ATP2C2: variants seen among roughly 807,000 people sequenced by gnomAD.
ATP2C2 encodes the protein calcium-transporting ATPase type 2C member 2.
In ATP2C2, 171 loss-of-function variants were observed where a neutral mutation model predicts 110.8. The observed-to-expected ratio is 1.54, with a 90% CI of 1.36 to 1.75. The LOEUF is 1.75. ATP2C2 is among the 40% of genes most tolerant of loss of function. The probability of loss-of-function intolerance (pLI) is 0.00; values close to 1 mark genes in which losing one functional copy is unlikely to be tolerated. For missense variants in ATP2C2, 1,963 were observed against 1,235.0 expected (o/e 1.59, Z -8.84); for synonymous variants, 804 against 508.4 (o/e 1.58, Z -7.82).
chr16:84,448,551 T>A lies in ATP2C2; in HGVS notation c.1522T>A (p.Phe508Ile). 1 of 1,612,540 alleles carries A rather than the reference T, an allele frequency of 6.2e-7. No homozygotes were observed. Among genetic ancestry groups the A allele is most frequent in the East Asian group, 2.2e-5 (1 of 44,782 alleles). Residue 508 changes from phenylalanine (F) to isoleucine (I), a missense_variant, in exon 17 of 27, where the codon TTC becomes ATC. Phe to Ile is a conservative substitution (Grantham distance 21). Transcript: ENST00000262429. ...TTCTAAGGATCAGGAAGACATTTAC[T>A]TCATGAAAGGGGCCTTGGAAGAGGT... Reference protein sequence around the residue: ...LKTEDQEDIYFMKGALEEVIR... With the variant: ...LKTEDQEDIYIMKGALEEVIR...
intron 10 of ATP2C2, 101 bp from the exon 11 acceptor site, chr16:84,425,634 A>C: frequency 3.0e-6 from 4 of 1,313,560 alleles, no homozygotes; most frequent in South Asian, 1.2e-5. Context: ...TCCTCTGTGC[A>C]TGCATTCCTG....
intron 1 of ATP2C2, among the ~76,000 whole-genome samples, chr16:84,370,145 TGG>T (rs1909867293): frequency 1.1e-5 from 1 of 93,288 alleles, no homozygotes; most frequent in African/African-American, 5.5e-5. Context: ...TGCAGGTGCA[TGG>T]ATGATGTAAC....
chr16:84,410,516 C>T, intron 4 of ATP2C2, 52 bp from the exon 5 acceptor site: 1 of 1,590,546 alleles, frequency 6.3e-7, no homozygotes, highest in Non-Finnish European at 8.6e-7. Context: ...ACGCCCTGTC[C>T]CCCCTCCCAC....
At chr16:84,458,642 G>C (rs1315799469) in intron 21 of ATP2C2, among the ~76,000 whole-genome samples, 2 of 152,206 alleles carry the variant, frequency 1.3e-5, no homozygotes, top group Admixed American at 1.3e-4. Flanking sequence ...GGTTTAAAAG[G>C]GCTTCCGCGA....
Position 84,443,983 on chromosome 16 carries a change from A to G in ATP2C2, c.1401+1384A>G, listed in dbSNP as rs150813214. Among the ~76,000 whole-genome samples, 72 of 152,254 alleles carry G rather than the reference A, an allele frequency of 4.7e-4. 2 individuals are homozygous for G. The East Asian group carries it at 0.01, about 21-fold the overall frequency. The stretch of plus-strand genomic sequence containing the variant: ...AGAGTTTGAGACCAGCCTGGGCAAC[A>G]TAGCGAAAACCCATCTCTACAAAAA... On this transcript the variant is annotated intron_variant, in intron 15 of 26. Transcript: ENST00000262429.
rs897440802 is a variant in ATP2C2, at chr16:84,384,906, G to A, written c.100-13593G>A. ...CTCTAATAAAAATACAAAATTAGCC[G>A]GGCTTGGTGATGCATGCCTGTAATC... On this transcript the variant is annotated intron_variant, in intron 1 of 26. Coordinates refer to ENST00000262429, the MANE Select transcript of ATP2C2 (RefSeq NM_014861.4). Among the ~76,000 whole-genome samples the A allele has an allele frequency of 5.0e-4, 76 of 152,116 alleles. 1 individual carries two copies. Among genetic ancestry groups the A allele is most frequent in the African/African-American group, 1.6e-3 (68 of 41,422 alleles).
chr16:84,460,819 C>A lies in ATP2C2; in HGVS notation c.2481+18C>A, dbSNP rs376093453. 6.2e-7 allele frequency: 1 copy of A among 1,600,370 alleles called. No individual in the cohort carries two copies. The highest frequency in any genetic ancestry group is 8.5e-7 in the Non-Finnish European group (1 of 1,171,714). On this transcript the variant is annotated intron_variant, in intron 24 of 26. Transcript: ENST00000262429. ...GGAAGGAGGTGAGCGAGGGTCACCCCGGCCTGTTCTCCAAGCCCTGGTGCG... is the reference window on the plus strand; with the variant it reads ...GGAAGGAGGTGAGCGAGGGTCACCCAGGCCTGTTCTCCAAGCCCTGGTGCG...
intron 21 of ATP2C2, among the ~76,000 whole-genome samples, chr16:84,458,905 G>C (rs1388418330): frequency 6.6e-6 from 1 of 152,164 alleles, no homozygotes. Flanking sequence ...GGCGAACATG[G>C]CTCAAGGATC....
At position 84,423,315 on chromosome 16, in the gene ATP2C2, A is replaced by G. The variant is rs554753423; in HGVS notation, c.919+52A>G. 6 of 1,537,988 alleles carry G rather than the reference A, an allele frequency of 3.9e-6. No individual in the cohort carries two copies. The African/African-American group carries it at 6.8e-5, about 17-fold the overall frequency. On this transcript the variant is annotated intron_variant, in intron 10 of 26. Transcript: ENST00000262429. ...TTTGTTCTGCAGATGGAGGGGAGCCATCATAGGGGGGTTGCCATGGCCGTT... is the reference window on the plus strand; with the variant it reads ...TTTGTTCTGCAGATGGAGGGGAGCCGTCATAGGGGGGTTGCCATGGCCGTT...
Position 84,368,697 on chromosome 16 carries a change from G to A in ATP2C2, c.82G>A (p.Asp28Asn). 2.6e-6 allele frequency: 4 copies of A among 1,549,414 alleles called. No individual in the cohort carries two copies. Among genetic ancestry groups the A allele is most frequent in the South Asian group, 1.2e-5 (1 of 85,380 alleles). Reference protein sequence around the residue: ...GGRQYQALEKDEEEALIDEQS... With the variant: ...GGRQYQALEKNEEEALIDEQS... Reference sequence around the variant, plus strand: ...CCGCCAGTACCAGGCGCTGGAGAAGGACGAAGAGGAAGCCTTGGTGAGTCC... The same window carrying A: ...CCGCCAGTACCAGGCGCTGGAGAAGAACGAAGAGGAAGCCTTGGTGAGTCC... The change falls in exon 1 of 27, where the codon GAC becomes AAC. Residue 28 changes from aspartate to asparagine, a missense_variant. Asp to Asn is a conservative substitution (Grantham distance 23). Coordinates refer to ENST00000262429, the MANE Select transcript of ATP2C2 (RefSeq NM_014861.4).
chr16:84,400,657 C>G (rs182370268), intron 2 of ATP2C2, among the ~76,000 whole-genome samples: 111 of 152,294 alleles, frequency 7.3e-4, no homozygotes, highest in Admixed American at 2.0e-3. Context: ...ACCCTCCAAA[C>G]TGTTCACCAG....
chr16:84,435,115 A>C (rs935857831), intron 11 of ATP2C2, among the ~76,000 whole-genome samples: 3 of 152,218 alleles, frequency 2.0e-5, no homozygotes, highest in Non-Finnish European at 2.9e-5. Context: ...CATTCTATTC[A>C]AACTGCCTGT....
intron 24 of ATP2C2, chr16:84,461,021 A>C (rs1171207925): frequency 3.3e-6 from 2 of 606,678 alleles, no homozygotes; most frequent in Non-Finnish European, 5.4e-6. Context: ...TGGGAACTAC[A>C]GAGGCCAGCG....
chr16:84,373,289 T>A (rs1005278195), intron 1 of ATP2C2, among the ~76,000 whole-genome samples: 1 of 152,096 alleles, frequency 6.6e-6, no homozygotes, highest in African/African-American at 2.4e-5. Context: ...CACCTGAGGT[T>A]ACGAGTTCGA....
At chr16:84,448,420 C>G (rs1451206717) in intron 16 of ATP2C2, 113 bp from the exon 17 acceptor site, 8 of 1,317,592 alleles carry the variant, frequency 6.1e-6, no homozygotes, top group South Asian at 1.5e-5. Context: ...ATAAATAACT[C>G]CGCTGCAAAG....
At chr16:84,447,175 C>T (rs1465312190) in intron 16 of ATP2C2, among the ~76,000 whole-genome samples, 1 of 152,158 alleles carries the variant, frequency 6.6e-6, no homozygotes, top group Admixed American at 6.5e-5. Context: ...TAGAATCTAT[C>T]ATGTCTGCCC....
At chr16:84,429,261 C>G (rs1053906095) in intron 11 of ATP2C2, among the ~76,000 whole-genome samples, 2 of 152,182 alleles carry the variant, frequency 1.3e-5, no homozygotes, top group East Asian at 3.8e-4. Context: ...ATGCAATTCT[C>G]CTGCCTCAGC....
chr16:84,423,713 A>T (rs1907558116), intron 10 of ATP2C2, among the ~76,000 whole-genome samples: 1 of 152,236 alleles, frequency 6.6e-6, no homozygotes, highest in South Asian at 2.1e-4. Flanking sequence ...ATAGACCAGG[A>T]AGTGGAATCA....
intron 1 of ATP2C2, among the ~76,000 whole-genome samples, chr16:84,381,559 A>C (rs945462679): frequency 2.6e-5 from 4 of 152,158 alleles, no homozygotes; most frequent in African/African-American, 9.7e-5. Flanking sequence ...CCTGGACGAC[A>C]GAGCAAGACT....
Sources: gnomAD v4.1 joint callset for allele counts (sites outside exome capture counted in the v4.1 genomes callset) on GRCh38, gnomAD v4.1.1 for gene constraint, MANE v1.5 for transcripts, NCBI Gene and HGNC (gene_info 2026-07-23, HGNC 2026-07-21) for gene names.